Variants in CARMIL1 observed in about 807,000 individuals in gnomAD.
CARMIL1 encodes the protein F-actin-uncapping protein LRRC16A.
A neutral mutation model predicts 177.1 loss-of-function variants in CARMIL1; 90 were observed. The observed-to-expected ratio is 0.51, with a 90% confidence interval of 0.43 to 0.61. The LOEUF is 0.61. Among genes scored for constraint, CARMIL1 ranks in the 20% least tolerant of loss-of-function variants. The pLI is 0.00. For missense variants in CARMIL1, 1,380 were observed against 1,667.0 expected (o/e 0.83, Z 3.00); for synonymous variants, 577 against 606.2 (o/e 0.95, Z 0.71).
chr6:25,572,733 A>G (rs1389058442), intron 29 of CARMIL1, among the ~76,000 whole-genome samples: 2 of 147,574 alleles, frequency 1.4e-5, no homozygotes, highest in African/African-American at 2.5e-5. Flanking sequence ...AAAAAGGTGG[A>G]CATCAGTACA....
At chr6:25,556,585 C>G (rs1004377992) in intron 28 of CARMIL1, 116 bp from the exon 29 acceptor site, 22 of 822,792 alleles carry the variant, frequency 2.7e-5, no homozygotes, top group Middle Eastern at 3.6e-4. Context: ...TTGTCCTTGT[C>G]ACTCGTCAGC....
chr6:25,615,206 T>C (rs552150270), intron 36 of CARMIL1, among the ~76,000 whole-genome samples: 2 of 152,278 alleles, frequency 1.3e-5, no homozygotes, highest in Non-Finnish European at 2.9e-5. Context: ...TACTTTCTTT[T>C]AAGTCTTTTA....
At chr6:25,295,290 A>G (rs75344917) in intron 2 of CARMIL1, among the ~76,000 whole-genome samples, 4,121 of 152,278 alleles carry the variant, frequency 0.027, 69 homozygotes, top group Non-Finnish European at 0.038. Flanking sequence ...TTAATTTTTG[A>G]GGTCAAAGCT....
intron 10 of CARMIL1, 145 bp downstream of exon 10, chr6:25,471,402 A>G (rs1363316196): frequency 7.1e-6 from 4 of 563,722 alleles, no homozygotes; most frequent in Admixed American, 7.1e-5. Context: ...AAATATCCCT[A>G]TAATTGCCAT....
At chr6:25,513,555 C>G (rs1261972855) in intron 20 of CARMIL1, among the ~76,000 whole-genome samples, 1 of 152,166 alleles carries the variant, frequency 6.6e-6, no homozygotes, top group Non-Finnish European at 1.5e-5. Flanking sequence ...TGGTACCAAC[C>G]AAATGCATAA....
At chr6:25,524,971 C>T (rs1157772925) in intron 23 of CARMIL1, among the ~76,000 whole-genome samples, 1 of 152,038 alleles carries the variant, frequency 6.6e-6, no homozygotes, top group Non-Finnish European at 1.5e-5. Flanking sequence ...AACAGACTAT[C>T]CCAGCACTGT....
intron 2 of CARMIL1, among the ~76,000 whole-genome samples, chr6:25,369,157 T>C (rs1057044519): frequency 2.6e-5 from 4 of 152,184 alleles, no homozygotes; most frequent in Admixed American, 2.6e-4. Flanking sequence ...TGTTAAAGAC[T>C]GGATTTAAAT....
At chr6:25,537,477 C>T (rs948123999) in intron 24 of CARMIL1, among the ~76,000 whole-genome samples, 2 of 152,116 alleles carry the variant, frequency 1.3e-5, no homozygotes, top group Non-Finnish European at 2.9e-5. Flanking sequence ...CTATGTCTAA[C>T]ACATAGAGGG....
At chr6:25,436,097 A>G (rs9461170) in intron 5 of CARMIL1, among the ~76,000 whole-genome samples, 36,665 of 152,066 alleles carry the variant, frequency 0.24, 5,116 homozygotes, top group African/African-American at 0.38. Flanking sequence ...TGAAATACCC[A>G]TTAGGCATAT....
At chr6:25,608,637 C>G (rs1816217796) in intron 35 of CARMIL1, among the ~76,000 whole-genome samples, 1 of 152,156 alleles carries the variant, frequency 6.6e-6, no homozygotes, top group South Asian at 2.1e-4. Flanking sequence ...TTTTATAGAG[C>G]TTGGGAATTC....
At chr6:25,615,142 T>A (rs1304647388) in intron 36 of CARMIL1, among the ~76,000 whole-genome samples, 1 of 152,272 alleles carries the variant, frequency 6.6e-6, no homozygotes, top group Non-Finnish European at 1.5e-5. Flanking sequence ...TTCTGAATAG[T>A]TCCTGGTTAA....
At chr6:25,407,842 A>G (rs1794522358) in intron 2 of CARMIL1, among the ~76,000 whole-genome samples, 2 of 152,228 alleles carry the variant, frequency 1.3e-5, no homozygotes, top group Admixed American at 1.3e-4. Context: ...TACCTGAATA[A>G]GGGAACTAGC....
At chr6:25,372,717 A>G (rs1048247742) in intron 2 of CARMIL1, among the ~76,000 whole-genome samples, 4 of 152,066 alleles carry the variant, frequency 2.6e-5, no homozygotes, top group Admixed American at 2.6e-4. Context: ...ACTCTTTTCC[A>G]ATTTGGATAC....
chr6:25,450,777 CTCCCTCCCTTCCTCCCTCCCT>C lies in CARMIL1; in HGVS notation c.614+70_614+90del, dbSNP rs1798734630. On this transcript the variant is annotated intron_variant, in intron 8 of 36. Coordinates refer to ENST00000329474, the MANE Select transcript of CARMIL1 (RefSeq NM_017640.6). ...CTTCCTCCCTCCCTTCCTCCCTCCC[CTCCCTCCCTTCCTCCCTCCCT>C]TCCTCCCTCCCCTCCCCTCCCCTTC... 1.2e-4 allele frequency: 49 copies of C among 392,944 alleles called. 2 individuals are homozygous for C. The highest frequency in any genetic ancestry group is 1.2e-3 in the East Asian group (34 of 28,676). 24.3% of individuals were successfully genotyped at this position (392,944 alleles called of 1,614,324 possible).
At chr6:25,601,341 G>C (rs906390285) in intron 33 of CARMIL1, among the ~76,000 whole-genome samples, 6 of 152,120 alleles carry the variant, frequency 3.9e-5, no homozygotes, top group African/African-American at 1.2e-4. Context: ...CTGCCCAGGG[G>C]CCTCCTGTGC....
chr6:25,496,453 A>G (rs1803720070), intron 16 of CARMIL1, among the ~76,000 whole-genome samples: 1 of 146,310 alleles, frequency 6.8e-6, no homozygotes, highest in African/African-American at 2.5e-5. Flanking sequence ...CAGCCTGGCA[A>G]CAGAGTGAGA....
At chr6:25,345,114 C>A (rs188476633) in intron 2 of CARMIL1, among the ~76,000 whole-genome samples, 97 of 152,244 alleles carry the variant, frequency 6.4e-4, no homozygotes, top group Admixed American at 1.6e-3. Context: ...TGGCATTGTG[C>A]TTTTCGGGGC....
intron 5 of CARMIL1, among the ~76,000 whole-genome samples, chr6:25,442,266 T>C (rs1797840246): frequency 6.6e-6 from 1 of 150,904 alleles, no homozygotes; most frequent in Admixed American, 6.6e-5. Flanking sequence ...GTTTGCTGTT[T>C]CTTGCTGCCA....
intron 29 of CARMIL1, among the ~76,000 whole-genome samples, chr6:25,574,314 G>A (rs1174670091): frequency 2.0e-5 from 3 of 152,184 alleles, no homozygotes; most frequent in African/African-American, 7.2e-5. Context: ...AAATACCTGT[G>A]TTCCTAACAC....
Sources: gnomAD v4.1 joint callset for allele counts (sites outside exome capture counted in the v4.1 genomes callset) on GRCh38, gnomAD v4.1.1 for gene constraint, MANE v1.5 for transcripts, NCBI Gene and HGNC (gene_info 2026-07-23, HGNC 2026-07-21) for gene names.